PLCL2: variants seen among roughly 807,000 people sequenced by gnomAD.
PLCL2 encodes the protein inactive phospholipase C-like protein 2.
In PLCL2, 4 loss-of-function variants were observed where a neutral mutation model predicts 79.6. The observed-to-expected ratio is 0.05, with a 90% CI of 0.02 to 0.11. The LOEUF (loss-of-function observed/expected upper bound fraction) is 0.11. PLCL2 is among the 10% of genes least tolerant of loss of function. The pLI, the probability that PLCL2 is intolerant of heterozygous loss-of-function variation, is 1.00. For synonymous variants in PLCL2, 484 were observed against 457.7 expected (o/e 1.06, Z -0.73); for missense variants, 895 against 1,291.0 (o/e 0.69, Z 4.70).
intron 5 of PLCL2, among the ~76,000 whole-genome samples, chr3:17,076,690 A>G (rs1223110409): frequency 6.6e-6 from 1 of 151,992 alleles, no homozygotes; most frequent in Admixed American, 6.6e-5. Context: ...TTTTGTAGAG[A>G]CTAGGTTTTG....
intron 4 of PLCL2, among the ~76,000 whole-genome samples, chr3:17,064,052 G>A (rs946779581): frequency 3.3e-5 from 5 of 152,216 alleles, no homozygotes; most frequent in African/African-American, 9.6e-5. Context: ...TTTAGTAAGA[G>A]AAGGACTTTT....
chr3:16,885,374 G>A lies in PLCL2; in HGVS notation c.327+8G>A. The A allele has an allele frequency of 5.0e-6, 3 of 601,978 alleles. No homozygotes were observed. The highest frequency in any genetic ancestry group is 5.9e-6 in the Non-Finnish European group (2 of 338,184). The allele number at this position is 601,978 out of a possible 1,614,324, so 37.3% of individuals were successfully genotyped here. On this transcript the variant is annotated splice_region_variant and intron_variant, in intron 1 of 5. Coordinates refer to ENST00000615277, the MANE Select transcript of PLCL2 (RefSeq NM_001144382.2). Reference sequence around the variant, plus strand: ...CGGAGCAGCATCATCAAGGTAGGTGGGAGAAGGGCGCTCATCGCCCACCCT... The same window carrying A: ...CGGAGCAGCATCATCAAGGTAGGTGAGAGAAGGGCGCTCATCGCCCACCCT...
chr3:17,004,662 G>T (rs6442661), intron 1 of PLCL2, among the ~76,000 whole-genome samples: 2 of 152,002 alleles, frequency 1.3e-5, no homozygotes, highest in African/African-American at 4.8e-5. Context: ...ACTTTGCAGG[G>T]TAGCCCTTAT....
chr3:16,928,789 A>G lies in PLCL2; in HGVS notation c.327+43423A>G, dbSNP rs143120446. ...AGAAGTATGGAGTACCATGCTTGGC[A>G]TATAAGAAATGCTTAGTAAATATTC... On this transcript the variant is annotated intron_variant, in intron 1 of 5. Transcript: ENST00000615277. Among the ~76,000 whole-genome samples the G allele has an allele frequency of 3.3e-4, 50 of 152,380 alleles. No individual in the cohort carries two copies. The East Asian group carries it at 9.1e-3, about 28-fold the overall frequency.
intron 5 of PLCL2, among the ~76,000 whole-genome samples, chr3:17,085,183 G>A (rs1279126774): frequency 1.3e-5 from 2 of 152,076 alleles, no homozygotes; most frequent in African/African-American, 4.8e-5. Flanking sequence ...CACCCAGGCT[G>A]GAGTGTACTG....
chr3:16,892,269 G>A (rs1226460914), intron 1 of PLCL2, among the ~76,000 whole-genome samples: 2 of 152,184 alleles, frequency 1.3e-5, no homozygotes, highest in African/African-American at 4.8e-5. Context: ...GATGGATCTA[G>A]GAATTTGGTT....
At chr3:16,937,425 C>T (rs1697566704) in intron 1 of PLCL2, among the ~76,000 whole-genome samples, 1 of 152,126 alleles carries the variant, frequency 6.6e-6, no homozygotes, top group South Asian at 2.1e-4. Context: ...TGAGTTCAGG[C>T]AAAGGGTAGG....
At chr3:16,960,082 G>A (rs1459571081) in intron 1 of PLCL2, among the ~76,000 whole-genome samples, 1 of 152,122 alleles carries the variant, frequency 6.6e-6, no homozygotes, top group African/African-American at 2.4e-5. Flanking sequence ...TCCAGCGTGG[G>A]CGACAGAGGA....
chr3:17,075,901 A>C (rs555589321), intron 5 of PLCL2, among the ~76,000 whole-genome samples: 3 of 152,342 alleles, frequency 2.0e-5, no homozygotes, highest in Admixed American at 2.0e-4. Context: ...GATATAACAC[A>C]TTTTGTTTAT....
intron 1 of PLCL2, among the ~76,000 whole-genome samples, chr3:16,928,063 C>G (rs1477402940): frequency 6.6e-6 from 1 of 152,214 alleles, no homozygotes; most frequent in Admixed American, 6.5e-5. Flanking sequence ...AGGGAGGTTA[C>G]ATGACCAGCC....
intron 4 of PLCL2, among the ~76,000 whole-genome samples, chr3:17,051,397 A>G (rs1575605294): frequency 6.6e-6 from 1 of 152,290 alleles, no homozygotes; most frequent in South Asian, 2.1e-4. Context: ...CTGTATCAAA[A>G]CATGTCACGT....
At chr3:16,980,264 G>A (rs1204900378) in intron 1 of PLCL2, among the ~76,000 whole-genome samples, 4 of 143,276 alleles carry the variant, frequency 2.8e-5, no homozygotes, top group Non-Finnish European at 6.2e-5. Flanking sequence ...GGCTGGCCGG[G>A]CGGGGGGCTG....
chr3:16,895,749 A>C (rs1274445702), intron 1 of PLCL2, among the ~76,000 whole-genome samples: 1 of 152,204 alleles, frequency 6.6e-6, no homozygotes, highest in Non-Finnish European at 1.5e-5. Flanking sequence ...ATACAGTGGA[A>C]TCCTATGAGG....
chr3:16,972,923 T>A (rs924374004), intron 1 of PLCL2, among the ~76,000 whole-genome samples: 4 of 152,200 alleles, frequency 2.6e-5, no homozygotes, highest in Non-Finnish European at 5.9e-5. Flanking sequence ...AGTTGGTTCT[T>A]GCCTCTTTAT....
intron 3 of PLCL2, among the ~76,000 whole-genome samples, chr3:17,027,587 A>G (rs1017328080): frequency 1.3e-5 from 2 of 152,166 alleles, no homozygotes; most frequent in Non-Finnish European, 2.9e-5. Context: ...GTGATTTTCA[A>G]AGTCACCTTT....
chr3:16,963,981 A>C (rs1316175392), intron 1 of PLCL2, among the ~76,000 whole-genome samples: 1 of 152,102 alleles, frequency 6.6e-6, no homozygotes, highest in Non-Finnish European at 1.5e-5. Flanking sequence ...AAGAATGTAA[A>C]AGTTATAATA....
At chr3:17,032,903 T>C (rs1315964320) in intron 3 of PLCL2, among the ~76,000 whole-genome samples, 6 of 152,202 alleles carry the variant, frequency 3.9e-5, no homozygotes, top group Non-Finnish European at 8.8e-5. Flanking sequence ...CTGTGAAATA[T>C]GGCCCGCTTC....
At chr3:16,947,979 C>A (rs1044779706) in intron 1 of PLCL2, among the ~76,000 whole-genome samples, 1 of 152,130 alleles carries the variant, frequency 6.6e-6, no homozygotes, top group African/African-American at 2.4e-5. Flanking sequence ...TAAAGAAAAA[C>A]ATGTTTTAAT....
rs111451346 is a variant in PLCL2 at position 17,014,664 on chromosome 3, A to G, written c.2815-44A>G. On this transcript the variant is annotated intron_variant, in intron 2 of 5. Transcript: ENST00000615277. ...AAATATAATATCCATGAGAAAGTAA[A>G]ACCCCCAGTTAATTACAAATGCTCC... is the stretch of plus-strand genomic sequence containing the variant. 7.9e-4 allele frequency: 1,144 copies of G among 1,441,884 alleles called. 11 individuals are homozygous for G. In the African/African-American group the frequency reaches 0.014, roughly 17 times the overall value. The allele number at this position is 1,441,884 out of a possible 1,614,324, so 89.3% of individuals were successfully genotyped here.
Sources: gnomAD v4.1 joint callset for allele counts (sites outside exome capture counted in the v4.1 genomes callset) on GRCh38, gnomAD v4.1.1 for gene constraint, MANE v1.5 for transcripts, NCBI Gene and HGNC (gene_info 2026-07-23, HGNC 2026-07-21) for gene names.